Variants in NEDD4 observed in about 807,000 individuals in gnomAD.
The protein encoded by NEDD4 is NEDD4 E3 ubiquitin protein ligase, also known as E3 ubiquitin-protein ligase NEDD4.
A neutral mutation model predicts 144.9 loss-of-function variants in NEDD4; 99 were observed. The observed-to-expected ratio is 0.68, with a 90% CI of 0.58 to 0.81. The LOEUF (loss-of-function observed/expected upper bound fraction) is 0.81. Among genes scored for constraint, NEDD4 ranks in the 30% least tolerant of loss-of-function variants. The pLI is 0.00. For missense variants in NEDD4, 985 were observed against 1,065.9 expected, an observed-to-expected ratio of 0.92 and a Z score of 1.06; for synonymous variants, 318 against 350.6, an observed-to-expected ratio of 0.91 and a Z score of 1.04.
At chr15:55,916,757 A>G in intron 5 of NEDD4, 2 of 1,613,942 alleles carry the variant, frequency 1.2e-6, no homozygotes, top group Non-Finnish European at 1.7e-6. Context: ...TATCCAAGTC[A>G]TCTCCGGAGG....
intron 18 of NEDD4, 136 bp downstream of exon 18, chr15:55,846,833 C>T: frequency 2.0e-6 from 1 of 504,946 alleles, no homozygotes; most frequent in Non-Finnish European, 3.5e-6. Flanking sequence ...AAAAAATGAG[C>T]ATCCTTTCTC....
chr15:55,929,153 A>C (rs1486490131), intron 4 of NEDD4, among the ~76,000 whole-genome samples: 4 of 152,184 alleles, frequency 2.6e-5, no homozygotes, highest in African/African-American at 9.6e-5. Flanking sequence ...AGAGTGTCAA[A>C]GCAACAGGGG....
At chr15:55,888,115 G>C (rs1284930762) in intron 5 of NEDD4, among the ~76,000 whole-genome samples, 1 of 152,050 alleles carries the variant, frequency 6.6e-6, no homozygotes, top group Non-Finnish European at 1.5e-5. Flanking sequence ...ATTCAATGTA[G>C]TAAGGGAAGT....
At chr15:55,920,352 T>C (rs1029669225) in intron 5 of NEDD4, among the ~76,000 whole-genome samples, 2 of 152,086 alleles carry the variant, frequency 1.3e-5, no homozygotes, top group Admixed American at 1.3e-4. Flanking sequence ...AGAATATAGG[T>C]GGCTCCTAAA....
At chr15:55,891,140 TAC>T (rs1394582924) in intron 5 of NEDD4, among the ~76,000 whole-genome samples, 1 of 152,238 alleles carries the variant, frequency 6.6e-6, no homozygotes, top group African/African-American at 2.4e-5. Flanking sequence ...CTCAAGTACC[TAC>T]ATTTTAAATA....
chr15:55,834,237 T>C lies in NEDD4; in HGVS notation c.2312A>G (p.Asn771Ser), dbSNP rs752206844. 2 of 1,610,474 alleles carry C rather than the reference T, an allele frequency of 1.2e-6. No individual in the cohort carries two copies. The highest frequency in any genetic ancestry group is 2.2e-5 in the South Asian group (2 of 90,996). ...AATGTTATGTCTTACCTCTAGTTCA[T>C]TTTCATCAAAAATTTTGATGAGATC... ...PQDLIKIFDE[N>S]ELELLMCGLG... The change falls in exon 25 of 29, where the codon AAT becomes AGT. Residue 771 changes from asparagine to serine, a missense_variant. Transcript: ENST00000435532.
At chr15:55,992,587 G>A (rs779319408) in intron 1 of NEDD4, among the ~76,000 whole-genome samples, 3 of 152,098 alleles carry the variant, frequency 2.0e-5, no homozygotes, top group Non-Finnish European at 2.9e-5. Context: ...TTTTTCACTC[G>A]GAACCAGTCA....
chr15:55,877,750 C>T (rs1400941020), intron 5 of NEDD4, among the ~76,000 whole-genome samples: 7 of 151,882 alleles, frequency 4.6e-5, no homozygotes, highest in Non-Finnish European at 8.8e-5. Context: ...AGAATTTTCC[C>T]CTTCCTCCCA....
rs1167007575 is a variant in NEDD4, at chr15:55,923,128, G to T, written c.291+1518C>A. On this transcript the variant is annotated intron_variant, in intron 5 of 28. Coordinates refer to ENST00000435532, the MANE Select transcript of NEDD4 (RefSeq NM_006154.4). ...GAACCTGGGAGGCAGAGGTTGCAGTGAGCTGAGACTGCGCCACTGCACTCC... is the reference window on the plus strand; with the variant it reads ...GAACCTGGGAGGCAGAGGTTGCAGTTAGCTGAGACTGCGCCACTGCACTCC... Among the ~76,000 whole-genome samples, 3 of 152,040 alleles carry T rather than the reference G, an allele frequency of 2.0e-5. No homozygotes were observed. The East Asian group carries it at 5.8e-4, about 29-fold the overall frequency.
chr15:55,873,846 A>T, intron 6 of NEDD4, 112 bp downstream of exon 6: 1 of 464,262 alleles, frequency 2.2e-6, no homozygotes, highest in Non-Finnish European at 3.8e-6. Flanking sequence ...AATAAATAAA[A>T]GTAGTATACA....
chr15:55,899,887 T>C (rs1595816849), intron 5 of NEDD4, among the ~76,000 whole-genome samples: 1 of 152,230 alleles, frequency 6.6e-6, no homozygotes, highest in East Asian at 1.9e-4. Flanking sequence ...TAAATCTCAA[T>C]AGCCACATGT....
At chr15:55,918,826 T>G (rs988731196) in intron 5 of NEDD4, among the ~76,000 whole-genome samples, 3 of 152,162 alleles carry the variant, frequency 2.0e-5, no homozygotes, top group African/African-American at 7.2e-5. Flanking sequence ...GTCAATATTC[T>G]CTTAACATCT....
At chr15:55,938,695 T>G (rs1420732714) in intron 4 of NEDD4, among the ~76,000 whole-genome samples, 5 of 152,088 alleles carry the variant, frequency 3.3e-5, no homozygotes, top group Admixed American at 2.6e-4. Flanking sequence ...GAAAAATATT[T>G]GCAGACCATG....
chr15:55,872,917 TAA>T (rs201906568), intron 6 of NEDD4, among the ~76,000 whole-genome samples: 30 of 133,944 alleles, frequency 2.2e-4, no homozygotes, highest in Admixed American at 2.2e-4. Flanking sequence ...GCACCCTGTT[TAA>T]AAAAAAAAAA....
intron 11 of NEDD4, among the ~76,000 whole-genome samples, chr15:55,858,754 A>G (rs147587181): frequency 6.6e-6 from 1 of 152,360 alleles, no homozygotes; most frequent in Admixed American, 6.5e-5. Flanking sequence ...ACGTACAACT[A>G]TCTACTGTGA....
intron 1 of NEDD4, among the ~76,000 whole-genome samples, chr15:55,990,171 T>C (rs1172109303): frequency 6.6e-6 from 1 of 151,932 alleles, no homozygotes; most frequent in Non-Finnish European, 1.5e-5. Flanking sequence ...ATTACTTCAT[T>C]ACATATCACA....
intron 2 of NEDD4, among the ~76,000 whole-genome samples, chr15:55,959,515 G>A (rs1273543849): frequency 6.6e-6 from 1 of 152,204 alleles, no homozygotes; most frequent in African/African-American, 2.4e-5. Context: ...CACTAGGGCA[G>A]CTCCTATTAT....
intron 5 of NEDD4, among the ~76,000 whole-genome samples, chr15:55,906,432 C>G (rs1205994286): frequency 6.6e-6 from 1 of 152,150 alleles, no homozygotes; most frequent in Non-Finnish European, 1.5e-5. Flanking sequence ...CACATATACA[C>G]CATGGAATAC....
intron 5 of NEDD4, among the ~76,000 whole-genome samples, chr15:55,894,487 C>T (rs2035676534): frequency 6.6e-6 from 1 of 152,110 alleles, no homozygotes; most frequent in African/African-American, 2.4e-5. Flanking sequence ...GTACTTGGTT[C>T]TTTGATAGTA....
Sources: allele counts gnomAD v4.1 joint callset (sites outside exome capture counted in the v4.1 genomes callset), GRCh38; gene constraint gnomAD v4.1.1; transcripts MANE v1.5; gene names NCBI Gene and HGNC (gene_info 2026-07-23, HGNC 2026-07-21).